Variants in FAM151A observed in about 807,000 individuals in gnomAD.
FAM151A encodes protein FAM151A.
FAM151A carries 41 observed loss-of-function variants against 40.4 expected under a neutral mutation model. The observed-to-expected ratio is 1.01, with a 90% CI of 0.79 to 1.32. FAM151A has a LOEUF of 1.32. Among genes scored for constraint, FAM151A ranks in the 40% most tolerant of loss-of-function variants. The probability of loss-of-function intolerance (pLI) is 0.00; values close to 1 mark genes in which losing one functional copy is unlikely to be tolerated. For synonymous variants in FAM151A, 337 were observed against 312.5 expected (o/e 1.08, Z -0.83); for missense variants, 740 against 740.4 (o/e 1.00, Z 0.01).
At chr1:54,613,002 A>G (rs1026330983) in intron 4 of FAM151A, among the ~76,000 whole-genome samples, 2 of 55,872 alleles carry the variant, frequency 3.6e-5, no homozygotes, top group Non-Finnish European at 6.9e-5. Context: ...TCATATAGAC[A>G]GGAAACTGAC....
At chr1:54,618,612 GAA>G (rs1180366122) in intron 2 of FAM151A, among the ~76,000 whole-genome samples, 1 of 152,170 alleles carries the variant, frequency 6.6e-6, no homozygotes, top group Non-Finnish European at 1.5e-5. Flanking sequence ...TGAAGGAGGA[GAA>G]AGAGATGAGA....
Position 54,619,301 on chromosome 1 carries a change from G to A in FAM151A, c.262+563C>T, listed in dbSNP as rs538046423. Among the ~76,000 whole-genome samples the A allele has an allele frequency of 5.3e-5, 8 of 152,232 alleles. 1 individual carries two copies. Among genetic ancestry groups the A allele is most frequent in the Admixed American group, 5.2e-4 (8 of 15,282 alleles). On this transcript the variant is annotated intron_variant, in intron 2 of 7. Coordinates refer to ENST00000302250, the MANE Select transcript of FAM151A (RefSeq NM_176782.3). ...CTGAAGGAGAGGGTGGGGGTCAAGC[G>A]TCACGCAGTGGCTTGGAGCGTGCAC...
chr1:54,615,131 T>C (rs920228447), intron 3 of FAM151A, among the ~76,000 whole-genome samples: 2 of 152,256 alleles, frequency 1.3e-5, no homozygotes, highest in Admixed American at 1.3e-4. Flanking sequence ...CTTGGGCTTG[T>C]GGCTGCTGCA....
chr1:54,612,416 T>G, intron 5 of FAM151A, 70 bp downstream of exon 5: 195 of 1,159,006 alleles, frequency 1.7e-4, no homozygotes, highest in Non-Finnish European at 2.3e-4. Context: ...CTTCCAGCCA[T>G]GAGCTTCTGG....
At chr1:54,610,583 A>C (rs1393545546) in intron 6 of FAM151A, 28 bp from the exon 7 acceptor site, 1 of 1,602,966 alleles carries the variant, frequency 6.2e-7, no homozygotes, top group Admixed American at 1.7e-5. Context: ...GCCAAGGTGA[A>C]GTGGCTGCCA....
chr1:54,616,089 G>T lies in FAM151A; in HGVS notation c.346C>A (p.Pro116Thr), dbSNP rs200866369. Reference sequence around the variant, plus strand: ...GTGTTGTCACTGTAGATAGTGGGGGGGTGTGCCATGATGGGAACTCCTGTC... The same window carrying T: ...GTGTTGTCACTGTAGATAGTGGGGGTGTGTGCCATGATGGGAACTCCTGTC... Reference protein sequence around the residue: ...NETGVPIMAHPPTIYSDNTLE... With the variant: ...NETGVPIMAHTPTIYSDNTLE... The change falls in exon 3 of 8, where the codon CCC (proline) becomes ACC (threonine). Residue 116 changes from proline to threonine, a missense_variant. Pro to Thr is a conservative substitution (Grantham distance 38). Transcript: ENST00000302250. The T allele has an allele frequency of 1.0e-4, 164 of 1,613,996 alleles. No individual in the cohort carries two copies. Among genetic ancestry groups the T allele is most frequent in the Non-Finnish European group, 2.0e-5 (24 of 1,180,018 alleles).
At chr1:54,621,181 G>A (rs12131470) in intron 1 of FAM151A, among the ~76,000 whole-genome samples, 13,385 of 150,510 alleles carry the variant, frequency 0.089, 868 homozygotes, top group East Asian at 0.3. Context: ...AAAAACCTGC[G>A]CGCGGCGGCT....
Position 54,610,563 on chromosome 1 carries a change from G to A in FAM151A, c.941-8C>T. ...GTTTCCGTGTGGCATTCACTGTGGG[G>A]CCCCAAATCGCCAAGGTGAAGTGGC... On this transcript the variant is annotated splice_region_variant and splice_polypyrimidine_tract_variant and intron_variant, in intron 6 of 7. Transcript: ENST00000302250. The A allele has an allele frequency of 6.2e-7, 1 of 1,608,174 alleles. No individual in the cohort carries two copies. Among genetic ancestry groups the A allele is most frequent in the Non-Finnish European group, 8.5e-7 (1 of 1,176,392 alleles).
chr1:54,623,269 G>C lies in FAM151A; in HGVS notation c.118+9C>G. The stretch of plus-strand genomic sequence containing the variant: ...AGCCACTCAGGATGACATGGGGGGA[G>C]GCACCTACCTGGCCGCCGCAGGGTG... On this transcript the variant is annotated intron_variant, in intron 1 of 7. Coordinates refer to ENST00000302250, the MANE Select transcript of FAM151A (RefSeq NM_176782.3). 1 of 1,603,470 alleles carries C rather than the reference G, an allele frequency of 6.2e-7. No homozygotes were observed. Among genetic ancestry groups the C allele is most frequent in the Non-Finnish European group, 8.5e-7 (1 of 1,170,736 alleles).
chr1:54,611,508 TTC>T, intron 6 of FAM151A, 96 bp downstream of exon 6: 1 of 1,217,208 alleles, frequency 8.2e-7, no homozygotes, highest in South Asian at 1.4e-5. Flanking sequence ...GCCTTCCCCC[TTC>T]TGATATCCCT....
Position 54,612,466 on chromosome 1 carries a change from G to A in FAM151A, c.800+20C>T. Reference sequence around the variant, plus strand: ...CATCAGTGCCTCCAGGAGGGTGGGGGTGGGTTTGGTGGTTTTCACCTCTCA... The same window carrying A: ...CATCAGTGCCTCCAGGAGGGTGGGGATGGGTTTGGTGGTTTTCACCTCTCA... On this transcript the variant is annotated intron_variant, in intron 5 of 7. Coordinates refer to ENST00000302250, the MANE Select transcript of FAM151A (RefSeq NM_176782.3). 2 of 1,583,340 alleles carry A rather than the reference G, an allele frequency of 1.3e-6. No individual in the cohort carries two copies. Among genetic ancestry groups the A allele is most frequent in the Non-Finnish European group, 1.7e-6 (2 of 1,152,966 alleles).
rs781648110 is a variant in FAM151A at position 54,609,425 on chromosome 1, C to CCG, written c.1600_1601insCG (p.Arg534ProfsTer19). On this transcript the variant is annotated frameshift_variant, in exon 8 of 8. Transcript: ENST00000302250. LOFTEE classifies it low-confidence loss of function (END_TRUNC). ...GTTGTGCTCCACTGTGACGGTGGCCCGGGGGGAGGATGCCAGCAGCCTGCC... is the reference window on the plus strand; with the variant it reads ...GTTGTGCTCCACTGTGACGGTGGCCCCGGGGGGGAGGATGCCAGCAGCCTGCC... 3.1e-6 allele frequency: 5 copies of CCG among 1,613,766 alleles called. No homozygotes were observed. The South Asian group carries it at 5.5e-5, about 18-fold the overall frequency.
At chr1:54,623,244 A>C (rs1293603522) in intron 1 of FAM151A, 34 bp downstream of exon 1, 1 of 1,434,646 alleles carries the variant, frequency 7.0e-7, no homozygotes, top group African/African-American at 1.4e-5. Flanking sequence ...CGATGAGGGA[A>C]GCCACTCAGG....
At chr1:54,622,954 C>G (rs985925871) in intron 1 of FAM151A, among the ~76,000 whole-genome samples, 3 of 151,882 alleles carry the variant, frequency 2.0e-5, no homozygotes, top group Admixed American at 6.6e-5. Flanking sequence ...GCAGGTGGAT[C>G]ACCTGAGGTC....
chr1:54,616,653 G>C (rs751173792), intron 2 of FAM151A, among the ~76,000 whole-genome samples: 1 of 152,130 alleles, frequency 6.6e-6, no homozygotes, highest in African/African-American at 2.4e-5. Flanking sequence ...GATTACAGGC[G>C]TGAGCCACCG....
chr1:54,619,724 G>A (rs1644210326), intron 2 of FAM151A, 140 bp downstream of exon 2: 2 of 839,550 alleles, frequency 2.4e-6, no homozygotes, highest in Non-Finnish European at 3.7e-6. Context: ...TAACCCCTCT[G>A]AGCCCCTATT....
chr1:54,622,854 T>C lies in FAM151A; in HGVS notation c.118+424A>G, dbSNP rs557470453. 2.6e-5 allele frequency among the ~76,000 whole-genome samples: 4 copies of C among 151,384 alleles called. No homozygotes were observed. In the South Asian group the frequency reaches 8.4e-4, roughly 32 times the overall value. ...AGAGAAAGAGCTGTGGATGGGGGAATGAGGCTTGGTGGGGACGAGGGCTCA... is the reference window on the plus strand; with the variant it reads ...AGAGAAAGAGCTGTGGATGGGGGAACGAGGCTTGGTGGGGACGAGGGCTCA... On this transcript the variant is annotated intron_variant, in intron 1 of 7. Coordinates refer to ENST00000302250, the MANE Select transcript of FAM151A (RefSeq NM_176782.3).
intron 2 of FAM151A, among the ~76,000 whole-genome samples, chr1:54,617,406 A>G (rs968553566): frequency 2.7e-5 from 4 of 150,868 alleles, no homozygotes; most frequent in Admixed American, 1.3e-4. Context: ...TCTGTTCTCT[A>G]TAGAGCCGGC....
chr1:54,615,400 G>T (rs1227315008), intron 3 of FAM151A, among the ~76,000 whole-genome samples: 1 of 152,094 alleles, frequency 6.6e-6, no homozygotes, highest in Non-Finnish European at 1.5e-5. Flanking sequence ...AGCCACGGAG[G>T]GTTAAAAGAG....
Sources: gnomAD v4.1 joint callset for allele counts (sites outside exome capture counted in the v4.1 genomes callset) on GRCh38, gnomAD v4.1.1 for gene constraint, MANE v1.5 for transcripts, NCBI Gene and HGNC (gene_info 2026-07-23, HGNC 2026-07-21) for gene names.